The following TRMT44 variants were observed in gnomAD, a reference collection of about 807,000 sequenced individuals.
The protein encoded by TRMT44 is probable tRNA (uracil-O(2)-)-methyltransferase.
In TRMT44, 78 loss-of-function variants were observed where a neutral mutation model predicts 77.3. The observed-to-expected ratio is 1.01, with a 90% CI of 0.84 to 1.22. The LOEUF (loss-of-function observed/expected upper bound fraction) is 1.22. TRMT44 is among the 50% of genes most tolerant of loss of function. TRMT44 has a pLI of 0.00. For synonymous variants in TRMT44, 391 were observed against 383.3 expected, an observed-to-expected ratio of 1.02 and a Z score of -0.23; for missense variants, 1,090 against 964.4, an observed-to-expected ratio of 1.13 and a Z score of -1.73.
chr4:8,448,520 G>A (rs1441972557), intron 2 of TRMT44, among the ~76,000 whole-genome samples: 1 of 152,232 alleles, frequency 6.6e-6, no homozygotes, highest in Admixed American at 6.5e-5. Flanking sequence ...GGGGGACCCT[G>A]GGGAAGAGCA....
At chr4:8,497,173 A>G (rs1190840366), downstream of TRMT44, among the ~76,000 whole-genome samples, 1 of 151,832 alleles carries the variant, frequency 6.6e-6, no homozygotes, top group African/African-American at 2.4e-5. Context: ...AAAAAAAAAA[A>G]AGAGAAAGAC....
chr4:8,455,646 C>T (rs1026418645), intron 6 of TRMT44, among the ~76,000 whole-genome samples: 5 of 152,292 alleles, frequency 3.3e-5, no homozygotes, highest in South Asian at 4.1e-4. Context: ...ATGGTGTATA[C>T]GGAACTTTGA....
the TRMT44 span, among the ~76,000 whole-genome samples, chr4:8,506,012 C>A: frequency 1.7e-4 from 26 of 152,352 alleles, no homozygotes; most frequent in Admixed American, 9.8e-4. Flanking sequence ...TATAAATTAT[C>A]CAGCCTTGGG....
chr4:8,507,326 AG>A, the TRMT44 span: 1 of 152,466 alleles, frequency 6.6e-6, no homozygotes, highest in Middle Eastern at 3.4e-3. Context: ...AGTCTATTTG[AG>A]GGGCTGGCTG....
At chr4:8,448,364 A>G (rs1725197661) in intron 2 of TRMT44, among the ~76,000 whole-genome samples, 1 of 152,212 alleles carries the variant, frequency 6.6e-6, no homozygotes, top group Admixed American at 6.5e-5. Context: ...CTGCTCCCAT[A>G]CTAGGTGGTG....
the TRMT44 span, chr4:8,509,132 A>G: frequency 6.7e-6 from 1 of 149,770 alleles, no homozygotes; most frequent in Non-Finnish European, 1.5e-5. Context: ...ACATCAGGAC[A>G]TTCATTGCAA....
At chr4:8,460,789 G>A (rs1726104184) in intron 6 of TRMT44, among the ~76,000 whole-genome samples, 1 of 152,142 alleles carries the variant, frequency 6.6e-6, no homozygotes, top group Non-Finnish European at 1.5e-5. Context: ...GGCCTCAAGT[G>A]ATCCACCTGC....
At chr4:8,504,059 C>T in the TRMT44 span, among the ~76,000 whole-genome samples, 1 of 152,164 alleles carries the variant, frequency 6.6e-6, no homozygotes, top group Non-Finnish European at 1.5e-5. This position sits in a 1 kb window ranked among gnomAD's most constrained non-coding sequence, Gnocchi z 5.3. Context: ...TGCTCCCCCT[C>T]CAGCCTCTGA....
At chr4:8,484,716 G>T (rs560649447) in intron 2 of TRMT44, among the ~76,000 whole-genome samples, 1 of 152,228 alleles carries the variant, frequency 6.6e-6, no homozygotes, top group African/African-American at 2.4e-5. Context: ...AAGGATTTAG[G>T]ATCTATGGGG....
downstream of TRMT44, chr4:8,476,862 G>A (rs1727417813): frequency 6.6e-6 from 1 of 152,176 alleles, no homozygotes; most frequent in African/African-American, 2.4e-5. Context: ...TTCTGCCTCA[G>A]CCTGTCAAGT....
At position 8,444,677 on chromosome 4, in the gene TRMT44, C is replaced by A. The variant is rs922221298; in HGVS notation, c.620-1799C>A. Among the ~76,000 whole-genome samples the A allele has an allele frequency of 6.6e-6, 1 of 152,164 alleles. No homozygotes were observed. The highest frequency in any genetic ancestry group is 1.5e-5 in the Non-Finnish European group (1 of 68,022). Reference sequence around the variant, plus strand: ...CCTCCCAAAGTGCCGGGGTTACGGGCGTGAGCCACCTCTCCCGGCCACTAT... The same window carrying A: ...CCTCCCAAAGTGCCGGGGTTACGGGAGTGAGCCACCTCTCCCGGCCACTAT... On this transcript the variant is annotated intron_variant, in intron 1 of 10. Transcript: ENST00000389737. The surrounding 1 kb of genome is among the most constrained non-coding windows in gnomAD (Gnocchi z 4.0).
rs562694116 is a variant in TRMT44 at position 8,451,581 on chromosome 4, T to A, written c.955-379T>A. On this transcript the variant is annotated intron_variant, in intron 3 of 10. Transcript: ENST00000389737. This position sits in a 1 kb window ranked among gnomAD's most constrained non-coding sequence, Gnocchi z 4.1. ...AGGGGCTGGAGCACTGGTCTCCTAGTTTGTGGCTCGCGGCTCTCCCTGCCC... is the reference window on the plus strand; with the variant it reads ...AGGGGCTGGAGCACTGGTCTCCTAGATTGTGGCTCGCGGCTCTCCCTGCCC... 3.3e-5 allele frequency among the ~76,000 whole-genome samples: 5 copies of A among 152,308 alleles called. No individual in the cohort carries two copies. In the South Asian group the frequency reaches 1.0e-3, roughly 32 times the overall value.
At position 8,452,065 on chromosome 4, in the gene TRMT44, G is replaced by T; in HGVS notation, c.1023+37G>T. ...AGCGACCTCAGCTTCTCTGGAGTGG[G>T]TGGAGTTTGCTACAGGCAGATGTTC... On this transcript the variant is annotated intron_variant, in intron 4 of 10. Transcript: ENST00000389737. This position sits in a 1 kb window ranked among gnomAD's most constrained non-coding sequence, Gnocchi z 5.7. The T allele has an allele frequency of 1.3e-6, 2 of 1,520,262 alleles. No individual in the cohort carries two copies. The highest frequency in any genetic ancestry group is 1.7e-4 in the Middle Eastern group (1 of 5,970). 94.2% of individuals were successfully genotyped at this position (1,520,262 alleles called of 1,614,324 possible).
intron 2 of TRMT44, among the ~76,000 whole-genome samples, chr4:8,448,696 T>C (rs976288360): frequency 5.3e-5 from 8 of 152,182 alleles, no homozygotes; most frequent in Non-Finnish European, 7.4e-5. Flanking sequence ...CAGACCCACT[T>C]TGGGGTTGAC....
Position 8,441,017 on chromosome 4 carries a change from G to A in TRMT44, c.195G>A (p.Ser65=), listed in dbSNP as rs750302647. Residue 65 remains serine, a synonymous_variant, in exon 1 of 11, where the codon TCG becomes TCA. Transcript: ENST00000389737. The stretch of plus-strand genomic sequence containing the variant: ...GCGGCCCCGGGACTAGCGCAGGCTC[G>A]GAGCAGAAGGAGCGGGGTCCGGGAC... ...EARGPGTSAG[S]EQKERGPGPG... 390 of 1,504,214 alleles carry A rather than the reference G, an allele frequency of 2.6e-4. 1 individual carries two copies. The highest frequency in any genetic ancestry group is 3.3e-4 in the Non-Finnish European group (373 of 1,133,844). 93.2% of individuals were successfully genotyped at this position (1,504,214 alleles called of 1,614,324 possible). A position where few individuals can be genotyped will look rare whatever the true frequency, so the allele number is the denominator to read the frequency against.
At chr4:8,482,974 C>G (rs1344746910) in intron 2 of TRMT44, among the ~76,000 whole-genome samples, 1 of 151,458 alleles carries the variant, frequency 6.6e-6, no homozygotes, top group African/African-American at 2.4e-5. Context: ...GGATGAGGGG[C>G]GGTGTGGGAA....
chr4:8,473,986 C>T (rs900034628), intron 10 of TRMT44, among the ~76,000 whole-genome samples: 3 of 152,230 alleles, frequency 2.0e-5, no homozygotes, highest in Non-Finnish European at 4.4e-5. Context: ...AGACACCCTG[C>T]AGGTCCTGCT....
chr4:8,476,189 G>C lies in TRMT44; in HGVS notation c.*188G>C. On this transcript the variant is annotated 3_prime_UTR_variant, in exon 11 of 11. Coordinates refer to ENST00000389737, the MANE Select transcript of TRMT44 (RefSeq NM_152544.3). ...CACGCCAGAGAAGCCACAGTTACTC[G>C]GAAGCCCCCAGCTGACTGCCTGGCT... 1.6e-6 allele frequency: 1 copy of C among 619,970 alleles called. No homozygotes were observed. Among genetic ancestry groups the C allele is most frequent in the Non-Finnish European group, 2.8e-6 (1 of 356,742 alleles). 38.4% of individuals were successfully genotyped at this position (619,970 alleles called of 1,614,324 possible). A position where few individuals can be genotyped will look rare whatever the true frequency, so the allele number is the denominator to read the frequency against.
the TRMT44 span, among the ~76,000 whole-genome samples, chr4:8,502,309 C>T: frequency 6.6e-6 from 1 of 152,218 alleles, no homozygotes; most frequent in East Asian, 1.9e-4. Flanking sequence ...GTTTGTTGAC[C>T]ACATCTGCAA....
Sources: allele counts gnomAD v4.1 joint callset (sites outside exome capture counted in the v4.1 genomes callset), GRCh38; gene constraint gnomAD v4.1.1; non-coding constraint Gnocchi (gnomAD v3.1); transcripts MANE v1.5; gene names NCBI Gene and HGNC (gene_info 2026-07-23, HGNC 2026-07-21).